Variants in ZNF562 observed in about 807,000 individuals in gnomAD.
ZNF562 encodes the protein zinc finger protein 562.
In ZNF562, 13 loss-of-function variants were observed where a neutral mutation model predicts 17.5. That is an observed-to-expected ratio of 0.74 (90% CI 0.48 to 1.18). The LOEUF (loss-of-function observed/expected upper bound fraction) is 1.18, where lower values mean the gene tolerates loss of function less well. Ranked by LOEUF, ZNF562 falls within the 50% of genes most tolerant of loss-of-function variation. The pLI, the probability that ZNF562 is intolerant of heterozygous loss-of-function variation, is 0.00. For missense variants in ZNF562, 481 were observed against 498.5 expected (o/e 0.96, Z 0.33); for synonymous variants, 163 against 165.4 (o/e 0.99, Z 0.11).
At chr19:9,654,726 C>A (rs926712956) in intron 5 of ZNF562, among the ~76,000 whole-genome samples, 1 of 152,076 alleles carries the variant, frequency 6.6e-6, no homozygotes, top group African/African-American at 2.4e-5. Context: ...GAATTACAGG[C>A]ATGAGGCACT....
rs1285618815 is a variant in ZNF562 at position 9,660,891 on chromosome 19, C to T, written c.-130-17G>A. 1.3e-5 allele frequency: 8 copies of T among 634,854 alleles called. No homozygotes were observed. The highest frequency in any genetic ancestry group is 3.7e-5 in the African/African-American group (2 of 54,610). 39.3% of individuals were successfully genotyped at this position (634,854 alleles called of 1,614,324 possible). A position where few individuals can be genotyped will look rare whatever the true frequency, so the allele number is the denominator to read the frequency against. ...TCTGAGGCCCTGTTCATACCAATCA[C>T]CAAACAACAAGCATCAAACATCAGT... is the stretch of plus-strand genomic sequence containing the variant. On this transcript the variant is annotated splice_polypyrimidine_tract_variant and intron_variant, in intron 1 of 5. Transcript: ENST00000453372.
rs1252516328 is a variant in ZNF562 at position 9,673,478 on chromosome 19, A to C, written c.-131+1537T>G. 2.0e-5 allele frequency among the ~76,000 whole-genome samples: 3 copies of C among 152,070 alleles called. No individual in the cohort carries two copies. The East Asian group carries it at 5.8e-4, about 30-fold the overall frequency. On this transcript the variant is annotated intron_variant, in intron 1 of 5. Transcript: ENST00000453372. ...AAGCCCGGCTAATTTTTGTATTTTT[A>C]GTAGAGACAGGGTTTTACCATGTTG...
At chr19:9,659,968 A>C (rs1464929427) in intron 2 of ZNF562, among the ~76,000 whole-genome samples, 18 of 127,758 alleles carry the variant, frequency 1.4e-4, no homozygotes, top group Non-Finnish European at 2.7e-4. Context: ...AAAAAAAAAA[A>C]AAAAAAAAAA....
chr19:9,673,580 G>A (rs748803695), intron 1 of ZNF562, among the ~76,000 whole-genome samples: 3 of 152,078 alleles, frequency 2.0e-5, no homozygotes, highest in Non-Finnish European at 4.4e-5. Flanking sequence ...TTACAGGTGT[G>A]AGCCAGTGCA....
At chr19:9,670,827 GTC>G (rs372546771) in intron 1 of ZNF562, among the ~76,000 whole-genome samples, 51 of 152,028 alleles carry the variant, frequency 3.4e-4, no homozygotes, top group African/African-American at 1.2e-3. Flanking sequence ...GTAAAACCCC[GTC>G]TCTACTAAAA....
chr19:9,654,013 C>G (rs530982850), intron 5 of ZNF562, 132 bp from the exon 6 acceptor site: 10 of 968,902 alleles, frequency 1.0e-5, no homozygotes, highest in Middle Eastern at 3.1e-4. Context: ...TTTTTTGAGA[C>G]AGAGTCTTGT....
intron 1 of ZNF562, among the ~76,000 whole-genome samples, chr19:9,664,488 A>C (rs1456134254): frequency 6.6e-6 from 1 of 152,250 alleles, no homozygotes; most frequent in Non-Finnish European, 1.5e-5. Context: ...ACTGTCTTCA[A>C]GATGGCTCCT....
At position 9,668,908 on chromosome 19, in the gene ZNF562, G is replaced by T. The variant is rs1385947710; in HGVS notation, c.-131+6107C>A. Among the ~76,000 whole-genome samples the T allele has an allele frequency of 2.6e-5, 4 of 151,838 alleles. No individual in the cohort carries two copies. The East Asian group carries it at 7.7e-4, about 29-fold the overall frequency. ...TCAATAAATGCTGCTGGGAAAACTG[G>T]ATAACCATATGCAGAATAAAACTAG... is the stretch of plus-strand genomic sequence containing the variant. On this transcript the variant is annotated intron_variant, in intron 1 of 5. Coordinates refer to ENST00000453372, the MANE Select transcript of ZNF562 (RefSeq NM_001130031.2).
chr19:9,668,593 C>T (rs1016578668), intron 1 of ZNF562, among the ~76,000 whole-genome samples: 5 of 151,832 alleles, frequency 3.3e-5, no homozygotes, highest in Non-Finnish European at 5.9e-5. Context: ...TGACATTCAT[C>T]GCAAAAATAG....
rs905806173 is a variant in ZNF562, at chr19:9,647,138, G to C, written c.*5811C>G. On this transcript the variant is annotated 3_prime_UTR_variant, in exon 6 of 6. Coordinates refer to ENST00000453372, the MANE Select transcript of ZNF562 (RefSeq NM_001130031.2). ...CGCTCTGTCGTCAGGCTGGAGTGCA[G>C]TGGTGTGATCTAGGCTCATTGAAAC... The C allele has an allele frequency of 4.7e-5, 7 of 150,470 alleles. No homozygotes were observed. Among genetic ancestry groups the C allele is most frequent in the African/African-American group, 1.7e-4 (7 of 40,642 alleles). The allele number at this position is 150,470 out of a possible 1,614,324, so 9.3% of individuals were successfully genotyped here. A position where few individuals can be genotyped will look rare whatever the true frequency, so the allele number is the denominator to read the frequency against.
At position 9,655,734 on chromosome 19, in the gene ZNF562, T is replaced by C. The variant is rs1384496405; in HGVS notation, c.348+813A>G. Among the ~76,000 whole-genome samples, 33 of 113,792 alleles carry C rather than the reference T, an allele frequency of 2.9e-4. 1 individual carries two copies. Among genetic ancestry groups the C allele is most frequent in the African/African-American group, 9.0e-4 (28 of 31,176 alleles). The allele number at this position is 113,792 out of a possible 152,430, so 74.7% of individuals were successfully genotyped here. A position where few individuals can be genotyped will look rare whatever the true frequency, so the allele number is the denominator to read the frequency against. ...TTTTCTTTCTTTTTTTTTTTTTTTT[T>C]TTTTTTTTTTTTTTTTTTAGATGGA... is the stretch of plus-strand genomic sequence containing the variant. On this transcript the variant is annotated intron_variant, in intron 5 of 5. Coordinates refer to ENST00000453372, the MANE Select transcript of ZNF562 (RefSeq NM_001130031.2).
At chr19:9,658,894 G>C (rs1036621892) in intron 3 of ZNF562, among the ~76,000 whole-genome samples, 1 of 152,034 alleles carries the variant, frequency 6.6e-6, no homozygotes, top group Non-Finnish European at 1.5e-5. Context: ...CTGGGCTGAA[G>C]TGCTCCTCCC....
rs1402442985 is a variant in ZNF562, at chr19:9,653,870, G to C, written c.360C>G (p.Ser120Arg). 6.4e-7 allele frequency: 1 copy of C among 1,571,280 alleles called. No homozygotes were observed. Among genetic ancestry groups the C allele is most frequent in the African/African-American group, 1.4e-5 (1 of 73,330 alleles). ...IFTGIQMQTR[S>R]YSGWKLCENC... is the part of the protein sequence containing the mutation. ...TCTCACAGAGTTTCCATCCACTGTA[G>C]CTTCTTGTCTGCTGATGAGGGGATA... The change falls in exon 6 of 6, where the codon AGC (serine) becomes AGG (arginine). Residue 120 changes from serine to arginine, a missense_variant. Transcript: ENST00000453372.
At chr19:9,654,193 G>C (rs1195164421) in intron 5 of ZNF562, among the ~76,000 whole-genome samples, 1 of 152,008 alleles carries the variant, frequency 6.6e-6, no homozygotes, top group Non-Finnish European at 1.5e-5. Flanking sequence ...GTTTTGCCAA[G>C]TTGCCCAGGC....
In ZNF562 at chr19:9,652,822, A is replaced by G. The variant is rs1402984298; in HGVS notation, c.*127T>C. The G allele has an allele frequency of 1.2e-6, 1 of 802,706 alleles. No homozygotes were observed. Among genetic ancestry groups the G allele is most frequent in the Non-Finnish European group, 1.9e-6 (1 of 531,272 alleles). The allele number at this position is 802,706 out of a possible 1,614,324, so 49.7% of individuals were successfully genotyped here. ...ATTTCTCCCCAGTGTGAATTCTTTC[A>G]TGCATACTTAGGCATGAGGAAAGAG... On this transcript the variant is annotated 3_prime_UTR_variant, in exon 6 of 6. Transcript: ENST00000453372.
chr19:9,667,643 A>G (rs2043999027), intron 1 of ZNF562, among the ~76,000 whole-genome samples: 1 of 152,152 alleles, frequency 6.6e-6, no homozygotes, highest in African/African-American at 2.4e-5. Flanking sequence ...CTCAGGCTAG[A>G]ATGCAGTGGT....
Position 9,650,982 on chromosome 19 carries a change from A to AAAAAAAAAAAAAAAAAAAAAAAC in ZNF562, c.*1966_*1967insGTTTTTTTTTTTTTTTTTTTTTT, listed in dbSNP as rs1599260751. 6.8e-6 allele frequency: 1 copy of AAAAAAAAAAAAAAAAAAAAAAAC among 146,054 alleles called. No homozygotes were observed. The highest frequency in any genetic ancestry group is 2.2e-4 in the South Asian group (1 of 4,648). The allele number at this position is 146,054 out of a possible 1,614,324, so 9.0% of individuals were successfully genotyped here. ...AAAAAAAAAAAAAAAAAAAAAAAAA[A>AAAAAAAAAAAAAAAAAAAAAAAC]TCCTGTGTTTTTAACCTCATTGATT... is the stretch of plus-strand genomic sequence containing the variant. On this transcript the variant is annotated 3_prime_UTR_variant, in exon 6 of 6. Transcript: ENST00000453372.
chr19:9,643,216 T>C lies in ZNF562; in HGVS notation c.*9733A>G, dbSNP rs558635470. ...TGAAAATACAAAAATTAGCTGGGTG[T>C]GGTGGTGCACACCTGTAATCCCAGG... On this transcript the variant is annotated 3_prime_UTR_variant, in exon 6 of 6. Coordinates refer to ENST00000453372, the MANE Select transcript of ZNF562 (RefSeq NM_001130031.2). The C allele has an allele frequency of 2.0e-5, 3 of 152,186 alleles. No homozygotes were observed. In the East Asian group the frequency reaches 5.8e-4, roughly 29 times the overall value. The allele number at this position is 152,186 out of a possible 1,614,324, so 9.4% of individuals were successfully genotyped here.
rs1347091756 is a variant in ZNF562 at position 9,646,427 on chromosome 19, A to G, written c.*6522T>C. ...ATGTATAAAAAGACACATTTTTTTAAAAAGCATACAGAAAGACTAAGAAGT... is the reference window on the plus strand; with the variant it reads ...ATGTATAAAAAGACACATTTTTTTAGAAAGCATACAGAAAGACTAAGAAGT... On this transcript the variant is annotated 3_prime_UTR_variant, in exon 6 of 6. Coordinates refer to ENST00000453372, the MANE Select transcript of ZNF562 (RefSeq NM_001130031.2). The G allele has an allele frequency of 2.0e-5, 3 of 152,180 alleles. No individual in the cohort carries two copies. The highest frequency in any genetic ancestry group is 6.5e-5 in the Admixed American group (1 of 15,274). 9.4% of individuals were successfully genotyped at this position (152,180 alleles called of 1,614,324 possible).
Sources: allele counts gnomAD v4.1 joint callset (sites outside exome capture counted in the v4.1 genomes callset), GRCh38; gene constraint gnomAD v4.1.1; transcripts MANE v1.5; gene names NCBI Gene and HGNC (gene_info 2026-07-23, HGNC 2026-07-21).